Variants in DPP10 observed in about 807,000 individuals in gnomAD.
DPP10 encodes dipeptidyl peptidase like 10.
A neutral mutation model predicts 120.9 loss-of-function variants in DPP10; 33 were observed. The observed-to-expected ratio is 0.27, with a 90% CI of 0.21 to 0.37. The LOEUF (loss-of-function observed/expected upper bound fraction) is 0.37. DPP10 is among the 10% of genes least tolerant of loss of function. The probability of loss-of-function intolerance (pLI) is 1.00; values close to 1 mark genes in which losing one functional copy is unlikely to be tolerated. For synonymous variants in DPP10, 337 were observed against 326.1 expected (o/e 1.03, Z -0.36); for missense variants, 816 against 942.8 (o/e 0.87, Z 1.76).
At chr2:115,538,440 A>G (rs2078993045) in intron 5 of DPP10, among the ~76,000 whole-genome samples, 1 of 152,044 alleles carries the variant, frequency 6.6e-6, no homozygotes, top group Non-Finnish European at 1.5e-5. Flanking sequence ...TAAAATAAAT[A>G]GATAAAAGTA....
chr2:114,959,286 G>C (rs1698439381), intron 1 of DPP10, among the ~76,000 whole-genome samples: 1 of 152,166 alleles, frequency 6.6e-6, no homozygotes. Flanking sequence ...TGAGTCCATA[G>C]ATTTGCCTAT....
intron 1 of DPP10, among the ~76,000 whole-genome samples, chr2:115,067,145 G>A (rs947643034): frequency 2.6e-5 from 4 of 152,116 alleles, no homozygotes; most frequent in Non-Finnish European, 5.9e-5. Flanking sequence ...ATATGTGAGA[G>A]TATGCTGTAT....
At chr2:114,536,728 C>T (rs746878349) in intron 1 of DPP10, among the ~76,000 whole-genome samples, 2 of 152,062 alleles carry the variant, frequency 1.3e-5, no homozygotes, top group Non-Finnish European at 2.9e-5. Flanking sequence ...TCTTCATGAG[C>T]TGTTTAATTT....
rs1023993410 is a variant in DPP10 at position 115,538,148 on chromosome 2, A to G, written c.441+12176A>G. Among the ~76,000 whole-genome samples the G allele has an allele frequency of 6.6e-5, 10 of 152,174 alleles. No individual in the cohort carries two copies. The East Asian group carries it at 1.7e-3, about 27-fold the overall frequency. ...ATGAGGCCATGAAATTCAAGAGATG[A>G]GAATGACTGATGGCTCTCTCCCTTG... On this transcript the variant is annotated intron_variant, in intron 5 of 25. Transcript: ENST00000410059.
chr2:114,586,648 C>T (rs115901412), intron 1 of DPP10, among the ~76,000 whole-genome samples: 1,965 of 152,286 alleles, frequency 0.013, 41 homozygotes, highest in African/African-American at 0.045. Flanking sequence ...TGTTTGGCCC[C>T]ACTGAGTCTC....
intron 1 of DPP10, among the ~76,000 whole-genome samples, chr2:115,221,807 A>G (rs1419603566): frequency 7.6e-6 from 1 of 131,340 alleles, no homozygotes; most frequent in Non-Finnish European, 1.6e-5. Context: ...ACCATGGTCT[A>G]TAAGATATTT....
intron 1 of DPP10, among the ~76,000 whole-genome samples, chr2:114,816,160 G>T (rs1300284393): frequency 6.6e-6 from 1 of 152,144 alleles, no homozygotes; most frequent in Non-Finnish European, 1.5e-5. Flanking sequence ...AGTCACGTTG[G>T]CCTCTAAACA....
chr2:115,086,655 A>G (rs1708730462), intron 1 of DPP10, among the ~76,000 whole-genome samples: 1 of 151,920 alleles, frequency 6.6e-6, no homozygotes, highest in Non-Finnish European at 1.5e-5. Flanking sequence ...ACAGGGTTTC[A>G]CCGTGTTATC....
chr2:114,734,420 C>T lies in DPP10; in HGVS notation c.60+291582C>T, dbSNP rs569767134. On this transcript the variant is annotated intron_variant, in intron 1 of 25. Coordinates refer to ENST00000410059, the MANE Select transcript of DPP10 (RefSeq NM_020868.6). ...TCACAGGTCTTTAAACAAACTCAAC[C>T]AATTGTCCACCAGAATATGTTTAAA... Among the ~76,000 whole-genome samples, 6 of 152,268 alleles carry T rather than the reference C, an allele frequency of 3.9e-5. No individual in the cohort carries two copies. In the East Asian group the frequency reaches 1.2e-3, roughly 29 times the overall value.
intron 1 of DPP10, among the ~76,000 whole-genome samples, chr2:114,559,890 G>GAAAAAAAAAAAA (rs1688617703): frequency 4.8e-5 from 1 of 20,716 alleles, no homozygotes; most frequent in East Asian, 1.1e-3. Flanking sequence ...AAGAAAAAAA[G>GAAAAAAAAAAAA]CAAAAAAAAA....
At chr2:115,147,159 T>C (rs1287087385) in intron 1 of DPP10, among the ~76,000 whole-genome samples, 1 of 151,126 alleles carries the variant, frequency 6.6e-6, no homozygotes, top group Non-Finnish European at 1.5e-5. Flanking sequence ...ATATATACTA[T>C]ATATATGCAT....
At chr2:114,628,437 G>T (rs1314458818) in intron 1 of DPP10, among the ~76,000 whole-genome samples, 1 of 152,060 alleles carries the variant, frequency 6.6e-6, no homozygotes, top group African/African-American at 2.4e-5. Flanking sequence ...ATGTCTAATT[G>T]TCCCATCATT....
intron 3 of DPP10, among the ~76,000 whole-genome samples, chr2:115,406,469 G>A (rs1423274007): frequency 6.6e-6 from 1 of 152,044 alleles, no homozygotes; most frequent in African/African-American, 2.4e-5. Context: ...TAAATGATAG[G>A]TAAGGGAGGT....
chr2:115,805,760 A>C, intron 19 of DPP10, among the ~76,000 whole-genome samples: 1 of 151,890 alleles, frequency 6.6e-6, no homozygotes, highest in East Asian at 1.9e-4. Flanking sequence ...CTTTTAGTGG[A>C]GATGGGCTTT....
chr2:115,446,887 A>G (rs2072648313), intron 3 of DPP10, among the ~76,000 whole-genome samples: 2 of 152,204 alleles, frequency 1.3e-5, no homozygotes, highest in Admixed American at 6.5e-5. Context: ...TGTTGTTAAA[A>G]GAGAAGTGAT....
intron 1 of DPP10, among the ~76,000 whole-genome samples, chr2:114,457,416 G>A (rs1678641212): frequency 6.6e-6 from 1 of 152,134 alleles, no homozygotes; most frequent in Admixed American, 6.6e-5. Flanking sequence ...ATTAACCACT[G>A]GCTTACATGG....
At chr2:115,776,353 A>G (rs974839514) in intron 13 of DPP10, among the ~76,000 whole-genome samples, 3 of 152,060 alleles carry the variant, frequency 2.0e-5, no homozygotes, top group African/African-American at 7.2e-5. Context: ...TATGAGTGAG[A>G]ACATGCAGTG....
chr2:115,434,597 T>A (rs2071309878), intron 3 of DPP10, among the ~76,000 whole-genome samples: 1 of 138,280 alleles, frequency 7.2e-6, no homozygotes, highest in African/African-American at 2.5e-5. Flanking sequence ...CGTGTGATAG[T>A]TTGATGCATG....
At chr2:115,420,769 C>G (rs888537918) in intron 3 of DPP10, among the ~76,000 whole-genome samples, 3 of 152,142 alleles carry the variant, frequency 2.0e-5, no homozygotes, top group Non-Finnish European at 4.4e-5. Context: ...TAACAAACAA[C>G]TCTGTGGCAG....
Sources: allele counts gnomAD v4.1 joint callset (sites outside exome capture counted in the v4.1 genomes callset), GRCh38; gene constraint gnomAD v4.1.1; transcripts MANE v1.5; gene names NCBI Gene and HGNC (gene_info 2026-07-23, HGNC 2026-07-21).